ARSG: variants seen among roughly 807,000 people sequenced by gnomAD.
ARSG encodes the protein ASG.
Under a neutral mutation model 50.5 loss-of-function variants are expected in ARSG, and 37 were observed. That is an observed-to-expected ratio of 0.73 (90% CI 0.56 to 0.96). The LOEUF (loss-of-function observed/expected upper bound fraction) is 0.96, where lower values mean the gene tolerates loss of function less well. ARSG is among the 50% of genes least tolerant of loss of function. ARSG has a pLI of 0.00. For missense variants in ARSG, 629 were observed against 675.3 expected (o/e 0.93, Z 0.76); for synonymous variants, 225 against 254.6 (o/e 0.88, Z 1.11).
In ARSG at chr17:68,367,698, G is replaced by T. The variant is rs1226263669; in HGVS notation, c.705-850G>T. On this transcript the variant is annotated intron_variant, in intron 6 of 11. Transcript: ENST00000621439. This position sits in a 1 kb window ranked among gnomAD's most constrained non-coding sequence, Gnocchi z 4.5. ...ACAACAAGGCCTCTGACAGATCCCT[G>T]ATCTAGATGTTACCTGGTGGTCATA... 6.6e-6 allele frequency among the ~76,000 whole-genome samples: 1 copy of T among 152,184 alleles called. No homozygotes were observed. The highest frequency in any genetic ancestry group is 2.4e-5 in the African/African-American group (1 of 41,424).
At chr17:68,427,211 G>A, downstream of ARSG, 1 of 1,614,186 alleles carries the variant, frequency 6.2e-7, no homozygotes, top group Non-Finnish European at 8.5e-7. Context: ...AAGGTCTGAG[G>A]TCATTTTCTT....
rs539388580 is a variant in ARSG, at chr17:68,415,521, A to G, written c.1304-4668A>G. On this transcript the variant is annotated intron_variant, in intron 11 of 11. Coordinates refer to ENST00000621439, the MANE Select transcript of ARSG (RefSeq NM_001267727.2). ...AGTTGTTGGTTGGAATGTTCTGTAT[A>G]TATCTGTTAAGTCCATTTGTTACAA... is the stretch of plus-strand genomic sequence containing the variant. Among the ~76,000 whole-genome samples the G allele has an allele frequency of 8.5e-5, 13 of 152,286 alleles. No individual in the cohort carries two copies. The South Asian group carries it at 1.9e-3, about 22-fold the overall frequency.
At chr17:68,427,583 C>G (rs1342457870), downstream of ARSG, 1 of 190,796 alleles carries the variant, frequency 5.2e-6, no homozygotes, top group Admixed American at 5.8e-5. Flanking sequence ...TCTCGAACTC[C>G]TGACCTCAGG....
the ARSG span, chr17:68,450,962 A>T: frequency 2.6e-6 from 4 of 1,554,388 alleles, no homozygotes; most frequent in Non-Finnish European, 3.5e-6. Flanking sequence ...TCCAGCCTCC[A>T]TGACACTGGG....
chr17:68,331,177 GTTTCTTTCTTTCTTTCTTTCTTTCTTTC>G (rs71142163), intron 2 of ARSG, among the ~76,000 whole-genome samples: 9 of 118,930 alleles, frequency 7.6e-5, no homozygotes, highest in African/African-American at 3.2e-5. Flanking sequence ...CAAAGACAGG[GTTTCTTTCTTTCTTTCTTTCTTTCTTTC>G]TTTCTTTCTT....
At chr17:68,426,254 G>GGGGGGGGGCCCCCC, downstream of ARSG, 1 of 816,916 alleles carries the variant, frequency 1.2e-6, no homozygotes, top group East Asian at 3.5e-5. Flanking sequence ...GGGAGCGGGG[G>GGGGGGGGGCCCCCC]CTCAAATAAA....
At chr17:68,344,140 T>C (rs1475868052) in intron 3 of ARSG, among the ~76,000 whole-genome samples, 3 of 152,204 alleles carry the variant, frequency 2.0e-5, no homozygotes, top group Admixed American at 2.0e-4. Context: ...ATGACTGCCA[T>C]CCAGCGACTT....
the ARSG span, among the ~76,000 whole-genome samples, chr17:68,433,837 C>T: frequency 1.6e-5 from 2 of 123,566 alleles, no homozygotes; most frequent in South Asian, 2.8e-4. Context: ...GGCTGGAGTA[C>T]GGTGGCTTGA....
intron 2 of ARSG, among the ~76,000 whole-genome samples, chr17:68,329,690 G>A (rs965096309): frequency 2.6e-5 from 4 of 152,168 alleles, no homozygotes; most frequent in Non-Finnish European, 5.9e-5. Flanking sequence ...CCCATGAAAG[G>A]GTTTCCAGCC....
chr17:68,437,947 T>TAAAAAAACAAAAAAAAAA, the ARSG span, among the ~76,000 whole-genome samples: 1 of 58,786 alleles, frequency 1.7e-5, no homozygotes, highest in Non-Finnish European at 3.1e-5. Flanking sequence ...GACATCTCTC[T>TAAAAAAACAAAAAAAAAA]TAAAAAAAAA....
intron 8 of ARSG, among the ~76,000 whole-genome samples, chr17:68,373,298 C>T (rs999102789): frequency 1.3e-5 from 2 of 150,322 alleles, no homozygotes; most frequent in Middle Eastern, 3.2e-3. Context: ...GGCATGATCT[C>T]GGCTCACTGC....
At chr17:68,444,427 A>G in the ARSG span, 1 of 1,460,804 alleles carries the variant, frequency 6.8e-7, no homozygotes, top group Non-Finnish European at 9.5e-7. Context: ...GGAGGAAAAT[A>G]AAGCTTGGGA....
upstream of ARSG, among the ~76,000 whole-genome samples, chr17:68,288,158 G>A (rs1322239099): frequency 1.3e-5 from 2 of 150,382 alleles, no homozygotes; most frequent in Non-Finnish European, 1.5e-5. Flanking sequence ...CACCACGCCC[G>A]GCTGATTTTT....
chr17:68,279,408 T>C (rs781798138), intron 1 of ARSG, among the ~76,000 whole-genome samples: 2 of 152,140 alleles, frequency 1.3e-5, no homozygotes, highest in Non-Finnish European at 2.9e-5. Flanking sequence ...AGACACAATG[T>C]CACTATAAAT....
intron 10 of ARSG, chr17:68,400,182 A>G (rs1293273280): frequency 5.3e-5 from 8 of 152,164 alleles, no homozygotes; most frequent in Admixed American, 5.2e-4. Context: ...AGCCCTATAT[A>G]CGGTTGTGAT....
intron 2 of ARSG, among the ~76,000 whole-genome samples, chr17:68,340,638 C>T (rs1005570766): frequency 6.6e-6 from 1 of 152,122 alleles, no homozygotes; most frequent in Non-Finnish European, 1.5e-5. Flanking sequence ...AGGAGCCCCT[C>T]GAAGTTGACT....
chr17:68,317,118 A>G (rs1192687985), intron 2 of ARSG, among the ~76,000 whole-genome samples: 2 of 152,180 alleles, frequency 1.3e-5, no homozygotes, highest in Non-Finnish European at 2.9e-5. Context: ...CCGTACCACA[A>G]TTATGATGTC....
At chr17:68,404,785 T>C (rs905010842) in intron 11 of ARSG, among the ~76,000 whole-genome samples, 1 of 152,220 alleles carries the variant, frequency 6.6e-6, no homozygotes, top group African/African-American at 2.4e-5. Flanking sequence ...GAAGATTTTG[T>C]CATATTTTTA....
upstream of ARSG, among the ~76,000 whole-genome samples, chr17:68,289,259 C>T (rs1555755072): frequency 6.6e-6 from 1 of 152,098 alleles, no homozygotes; most frequent in African/African-American, 2.4e-5. Context: ...GATGACGCTA[C>T]TGCACTCCCA....
Sources: allele counts gnomAD v4.1 joint callset (sites outside exome capture counted in the v4.1 genomes callset), GRCh38; gene constraint gnomAD v4.1.1; non-coding constraint Gnocchi (gnomAD v3.1); transcripts MANE v1.5; gene names NCBI Gene and HGNC (gene_info 2026-07-23, HGNC 2026-07-21).